The following GABRG3 variants were observed in gnomAD, a reference collection of about 807,000 sequenced individuals.
GABRG3 encodes gamma-aminobutyric acid type A receptor subunit gamma3, also known as gamma-aminobutyric acid receptor subunit gamma-3.
A neutral mutation model predicts 48.8 loss-of-function variants in GABRG3; 25 were observed. That is an observed-to-expected ratio of 0.51 (90% confidence interval 0.37 to 0.72). The LOEUF (loss-of-function observed/expected upper bound fraction) is 0.72. Ranked by LOEUF, GABRG3 falls within the 30% of genes least tolerant of loss-of-function variation. The pLI is 0.00. For synonymous variants in GABRG3, 227 were observed against 217.6 expected (o/e 1.04, Z -0.38); for missense variants, 394 against 577.9 (o/e 0.68, Z 3.26).
intron 3 of GABRG3, among the ~76,000 whole-genome samples, chr15:27,159,575 C>G (rs908494536): frequency 2.6e-5 from 4 of 151,950 alleles, no homozygotes; most frequent in Non-Finnish European, 5.9e-5. Context: ...CCATCATGTT[C>G]CTAGTAATAT....
At chr15:26,972,272 C>T (rs190480103) in intron 1 of GABRG3, among the ~76,000 whole-genome samples, 30 of 152,282 alleles carry the variant, frequency 2.0e-4, no homozygotes, top group Admixed American at 1.9e-3. Flanking sequence ...GAAATCATCT[C>T]ACCATAAATT....
intron 2 of GABRG3, among the ~76,000 whole-genome samples, chr15:27,022,844 C>T (rs1895921583): frequency 6.6e-6 from 1 of 152,122 alleles, no homozygotes. Flanking sequence ...TGAAGACGGC[C>T]ATGGAGAGTG....
chr15:27,164,559 C>A (rs1334144870), intron 3 of GABRG3, among the ~76,000 whole-genome samples: 1 of 151,984 alleles, frequency 6.6e-6, no homozygotes, highest in East Asian at 1.9e-4. Context: ...GACATTTTTA[C>A]TTGTTGTGTC....
chr15:27,082,360 G>A (rs1161348374), intron 3 of GABRG3, among the ~76,000 whole-genome samples: 1 of 152,184 alleles, frequency 6.6e-6, no homozygotes, highest in African/African-American at 2.4e-5. Context: ...AAAGATTCCA[G>A]AATGCCACAA....
chr15:27,038,654 C>T (rs1413033657), intron 3 of GABRG3, among the ~76,000 whole-genome samples: 2 of 152,198 alleles, frequency 1.3e-5, no homozygotes, highest in South Asian at 2.1e-4. Flanking sequence ...ATGACCTCCT[C>T]ATATTCTCCA....
intron 5 of GABRG3, among the ~76,000 whole-genome samples, chr15:27,345,133 T>C (rs187829811): frequency 6.6e-6 from 1 of 152,324 alleles, no homozygotes; most frequent in East Asian, 1.9e-4. Flanking sequence ...TGGGGCTTTT[T>C]AAGATTTTAA....
chr15:27,465,768 G>C (rs891081423), intron 5 of GABRG3, among the ~76,000 whole-genome samples: 1 of 152,122 alleles, frequency 6.6e-6, no homozygotes, highest in Non-Finnish European at 1.5e-5. Flanking sequence ...CTCTGGAAAA[G>C]ACATTTTCCA....
intron 5 of GABRG3, among the ~76,000 whole-genome samples, chr15:27,415,723 T>C (rs1001726303): frequency 1.3e-5 from 2 of 152,212 alleles, no homozygotes; most frequent in African/African-American, 2.4e-5. Flanking sequence ...AGTCTCATTC[T>C]GACTCTTGCT....
At chr15:27,466,621 A>G (rs904985264) in intron 5 of GABRG3, among the ~76,000 whole-genome samples, 1 of 152,222 alleles carries the variant, frequency 6.6e-6, no homozygotes, top group Non-Finnish European at 1.5e-5. Context: ...TATCATTCAA[A>G]ACAAATATCA....
At chr15:27,328,719 C>G (rs1473316176) in intron 4 of GABRG3, 87 bp from the exon 5 acceptor site, 2 of 1,089,614 alleles carry the variant, frequency 1.8e-6, no homozygotes, top group Non-Finnish European at 2.8e-6. Context: ...GAACGGCCCT[C>G]TCCATCCCCA....
chr15:27,520,310 T>C (rs1041251727), intron 7 of GABRG3, among the ~76,000 whole-genome samples, 186 bp downstream of exon 7: 1 of 152,164 alleles, frequency 6.6e-6, no homozygotes, highest in Non-Finnish European at 1.5e-5. Flanking sequence ...TGGGATTCTA[T>C]GTATGCCACT....
intron 5 of GABRG3, among the ~76,000 whole-genome samples, chr15:27,413,154 A>T (rs1887846569): frequency 6.6e-6 from 1 of 152,228 alleles, no homozygotes; most frequent in Non-Finnish European, 1.5e-5. Flanking sequence ...TACTTTATCC[A>T]TTTTAGCAGT....
At chr15:27,415,136 T>C (rs894422442) in intron 5 of GABRG3, among the ~76,000 whole-genome samples, 15 of 152,194 alleles carry the variant, frequency 9.9e-5, no homozygotes, top group African/African-American at 3.6e-4. Flanking sequence ...ATGTTGTCTT[T>C]TCCTTTCTCT....
At chr15:27,096,421 ATTAG>A (rs1299303629) in intron 3 of GABRG3, among the ~76,000 whole-genome samples, 1 of 152,236 alleles carries the variant, frequency 6.6e-6, no homozygotes, top group African/African-American at 2.4e-5. Context: ...CAGAGAGATG[ATTAG>A]TTAATTGCTC....
At chr15:27,308,301 CAT>C (rs1331210383) in intron 3 of GABRG3, among the ~76,000 whole-genome samples, 5 of 106,878 alleles carry the variant, frequency 4.7e-5, no homozygotes, top group Non-Finnish European at 6.7e-5. Context: ...ATATAAACAT[CAT>C]ATAAACATAT....
At position 27,082,176 on chromosome 15, in the gene GABRG3, G is replaced by T. The variant is rs149169063; in HGVS notation, c.270+55355G>T. Among the ~76,000 whole-genome samples the T allele has an allele frequency of 2.4e-3, 364 of 152,320 alleles. 2 individuals are homozygous for T. The highest frequency in any genetic ancestry group is 8.5e-3 in the African/African-American group (352 of 41,572). Reference sequence around the variant, plus strand: ...TGGCTGTGTCCTCCCTGAGATGACGGAGAGAGTCCTGTATGCTGATTCACA... The same window carrying T: ...TGGCTGTGTCCTCCCTGAGATGACGTAGAGAGTCCTGTATGCTGATTCACA... On this transcript the variant is annotated intron_variant, in intron 3 of 9. Transcript: ENST00000615808.
At chr15:27,175,674 G>T (rs1887722050) in intron 3 of GABRG3, among the ~76,000 whole-genome samples, 1 of 152,196 alleles carries the variant, frequency 6.6e-6, no homozygotes, top group Non-Finnish European at 1.5e-5. Context: ...AATGGTAAAT[G>T]GTAGGAAGCA....
intron 6 of GABRG3, among the ~76,000 whole-genome samples, chr15:27,517,125 G>T (rs112490865): frequency 1.3e-3 from 195 of 151,268 alleles, no homozygotes; most frequent in African/African-American, 4.3e-3. Context: ...GACTAGTGCC[G>T]CCTCTATCAT....
intron 3 of GABRG3, among the ~76,000 whole-genome samples, chr15:27,267,102 C>CT (rs57772496): frequency 0.019 from 2,131 of 112,794 alleles, 57 homozygotes; most frequent in African/African-American, 0.058. Flanking sequence ...TAGTCTTTTA[C>CT]TTTTTTTTTT....
Sources: gnomAD v4.1 joint callset for allele counts (sites outside exome capture counted in the v4.1 genomes callset) on GRCh38, gnomAD v4.1.1 for gene constraint, MANE v1.5 for transcripts, NCBI Gene and HGNC (gene_info 2026-07-23, HGNC 2026-07-21) for gene names.